PPIP5K2: variants seen among roughly 807,000 people sequenced by gnomAD.
The protein encoded by PPIP5K2 is inositol hexakisphosphate and diphosphoinositol-pentakisphosphate kinase 2.
A neutral mutation model predicts 154.6 loss-of-function variants in PPIP5K2; 105 were observed. That is an observed-to-expected ratio of 0.68 (90% CI 0.58 to 0.80). The LOEUF is 0.80. Among genes scored for constraint, PPIP5K2 ranks in the 30% least tolerant of loss-of-function variants. PPIP5K2 has a pLI of 0.00. For missense variants in PPIP5K2, 992 were observed against 1,504.6 expected (o/e 0.66, Z 5.64); for synonymous variants, 480 against 490.3 (o/e 0.98, Z 0.28).
chr5:103,212,549 G>A lies in PPIP5K2; in HGVS notation c.*10915G>A, dbSNP rs1554232650. 1.3e-5 allele frequency: 2 copies of A among 152,034 alleles called. No homozygotes were observed. The highest frequency in any genetic ancestry group is 1.5e-5 in the Non-Finnish European group (1 of 67,954). The allele number at this position is 152,034 out of a possible 1,614,324, so 9.4% of individuals were successfully genotyped here. ...CCTTTAATGGAAGGCTTTAATTTAG[G>A]GAACTTAAAGAATTTCATAATATTG... On this transcript the variant is annotated 3_prime_UTR_variant, in exon 31 of 31. Transcript: ENST00000358359.
At position 103,168,167 on chromosome 5, in the gene PPIP5K2, A is replaced by G; in HGVS notation, c.2158A>G (p.Ile720Val). The change falls in exon 19 of 31, where the codon ATT (isoleucine) becomes GTT (valine). Residue 720 changes from isoleucine (I) to valine (V), a missense_variant. Coordinates refer to ENST00000358359, the MANE Select transcript of PPIP5K2 (RefSeq NM_001276277.3). Reference sequence around the variant, plus strand: ...TAAAACAAAGAATGGAAGATATGATATTAGTAAAATCCCTGACATATATGA... The same window carrying G: ...TAAAACAAAGAATGGAAGATATGATGTTAGTAAAATCCCTGACATATATGA... ...DFKTKNGRYD[I>V]SKIPDIYDCI... The G allele has an allele frequency of 6.2e-7, 1 of 1,608,904 alleles. No individual in the cohort carries two copies. Among genetic ancestry groups the G allele is most frequent in the Non-Finnish European group, 8.5e-7 (1 of 1,176,040 alleles).
intron 1 of PPIP5K2, among the ~76,000 whole-genome samples, chr5:103,122,531 C>CT (rs1480251282): frequency 3.3e-5 from 5 of 152,174 alleles, no homozygotes; most frequent in African/African-American, 9.6e-5. Flanking sequence ...TTGGAATAGG[C>CT]TTTTTTTGTG....
At chr5:103,174,294 T>G (rs1554220327) in intron 21 of PPIP5K2, 1 of 226,950 alleles carries the variant, frequency 4.4e-6, no homozygotes, top group African/African-American at 2.3e-5. Flanking sequence ...GGTTAGACAT[T>G]GTACCACTGA....
chr5:103,129,632 G>A lies in PPIP5K2; in HGVS notation c.43G>A (p.Glu15Lys), dbSNP rs1554201983. ...ATTCTTCGTTGGACCAGAAGATACA[G>A]AAATAAATCCTGGAAATTATCGACA... ...PRFFVGPEDT[E>K]INPGNYRHFF... Residue 15 changes from glutamate (E) to lysine (K), a missense_variant, in exon 2 of 31, where the codon GAA becomes AAA. Glu to Lys is a moderately conservative substitution (Grantham distance 56, BLOSUM62 1). Transcript: ENST00000358359. 2 of 1,609,586 alleles carry A rather than the reference G, an allele frequency of 1.2e-6. No homozygotes were observed. Among genetic ancestry groups the A allele is most frequent in the Admixed American group, 3.4e-5 (2 of 59,018 alleles).
chr5:103,162,900 C>A (rs1291813781), intron 17 of PPIP5K2, among the ~76,000 whole-genome samples: 9 of 151,906 alleles, frequency 5.9e-5, no homozygotes, highest in Admixed American at 5.9e-4. Context: ...TGTTATTTCC[C>A]CTGCAACTAT....
intron 5 of PPIP5K2, among the ~76,000 whole-genome samples, chr5:103,142,750 T>A (rs554915225): frequency 7.2e-6 from 1 of 139,798 alleles, no homozygotes; most frequent in Non-Finnish European, 1.5e-5. Flanking sequence ...CACTCCAGCC[T>A]GGGCGAGTGA....
At chr5:103,154,005 T>C in intron 11 of PPIP5K2, 71 bp downstream of exon 11, 1 of 1,168,094 alleles carries the variant, frequency 8.6e-7, no homozygotes, top group Non-Finnish European at 1.2e-6. Flanking sequence ...ATCAACTCTT[T>C]TGATTAATAC....
chr5:103,149,341 C>T, intron 8 of PPIP5K2, 28 bp downstream of exon 8: 1 of 1,550,880 alleles, frequency 6.4e-7, no homozygotes, highest in Non-Finnish European at 8.7e-7. Flanking sequence ...CCTATAGATC[C>T]TTATAAAGGT....
At chr5:103,183,154 G>A in intron 24 of PPIP5K2, 80 bp from the exon 25 acceptor site, 1 of 1,050,010 alleles carries the variant, frequency 9.5e-7, no homozygotes, top group Non-Finnish European at 1.2e-6. Context: ...TGGCTCTGTT[G>A]TATCTAACTT....
intron 21 of PPIP5K2, chr5:103,177,010 GA>G (rs1316357167): frequency 2.8e-5 from 23 of 816,874 alleles, no homozygotes; most frequent in African/African-American, 5.3e-5. Flanking sequence ...TTGCATACAT[GA>G]ACTATATGAT....
At chr5:103,140,482 AGGAGAGAGTGTGAT>A (rs1792374887) in intron 5 of PPIP5K2, among the ~76,000 whole-genome samples, 1 of 152,252 alleles carries the variant, frequency 6.6e-6, no homozygotes, top group South Asian at 2.1e-4. Flanking sequence ...CTTATAGGCT[AGGAGAGAGTGTGAT>A]GGCATTCAAA....
At chr5:103,144,410 A>G (rs562486188) in intron 5 of PPIP5K2, among the ~76,000 whole-genome samples, 1 of 152,316 alleles carries the variant, frequency 6.6e-6, no homozygotes, top group Admixed American at 6.5e-5. Flanking sequence ...CATTCTTCAC[A>G]GAAATAGAAA....
At chr5:103,139,289 G>A (rs540852501) in intron 5 of PPIP5K2, among the ~76,000 whole-genome samples, 12 of 152,208 alleles carry the variant, frequency 7.9e-5, no homozygotes, top group African/African-American at 2.6e-4. Flanking sequence ...AACTAGGGGG[G>A]AGGCAGAACA....
At position 103,132,502 on chromosome 5, in the gene PPIP5K2, C is replaced by T. The variant is rs1346974570; in HGVS notation, c.115-951C>T. 1.1e-4 allele frequency among the ~76,000 whole-genome samples: 16 copies of T among 151,888 alleles called. No individual in the cohort carries two copies. In the East Asian group the frequency reaches 2.1e-3, roughly 20 times the overall value. ...CGGAGGTTGCAGTGAGCTGAGATTG[C>T]GCCACTGCACTCCAGCCTGGGCGAC... On this transcript the variant is annotated intron_variant, in intron 2 of 30. Coordinates refer to ENST00000358359, the MANE Select transcript of PPIP5K2 (RefSeq NM_001276277.3).
chr5:103,210,981 T>A lies in PPIP5K2; in HGVS notation c.*9347T>A, dbSNP rs1224362229. On this transcript the variant is annotated 3_prime_UTR_variant, in exon 31 of 31. Transcript: ENST00000358359. ...AACTAGTATACATATTTAGAGGTGC[T>A]GTAGTCTTCTAGACTGTAAAGGCAG... 2.0e-5 allele frequency: 3 copies of A among 152,150 alleles called. No homozygotes were observed. The highest frequency in any genetic ancestry group is 4.4e-5 in the Non-Finnish European group (3 of 67,990). 9.4% of individuals were successfully genotyped at this position (152,150 alleles called of 1,614,324 possible).
At position 103,207,492 on chromosome 5, in the gene PPIP5K2, G is replaced by T. The variant is rs893186160; in HGVS notation, c.*5858G>T. ...ATGCTGTATACTACACTTGCATTAT[G>T]TTATTCACATTTGCTATAGTTCACT... On this transcript the variant is annotated 3_prime_UTR_variant, in exon 31 of 31. Transcript: ENST00000358359. 2 of 151,938 alleles carry T rather than the reference G, an allele frequency of 1.3e-5. No individual in the cohort carries two copies. The highest frequency in any genetic ancestry group is 4.8e-5 in the African/African-American group (2 of 41,374). The allele number at this position is 151,938 out of a possible 1,614,324, so 9.4% of individuals were successfully genotyped here.
At chr5:103,158,705 A>G (rs1422690615) in intron 16 of PPIP5K2, 132 bp downstream of exon 16, 2 of 663,398 alleles carry the variant, frequency 3.0e-6, no homozygotes, top group Non-Finnish European at 4.7e-6. Flanking sequence ...TCAGATCACT[A>G]GAGCCCAGGA....
At chr5:103,147,785 A>C in intron 6 of PPIP5K2, 146 bp from the exon 7 acceptor site, 1 of 577,612 alleles carries the variant, frequency 1.7e-6, no homozygotes. Flanking sequence ...GTATATAGTA[A>C]GTTTTGTTAA....
chr5:103,154,199 T>G (rs1354460841), intron 11 of PPIP5K2, among the ~76,000 whole-genome samples: 3 of 152,038 alleles, frequency 2.0e-5, no homozygotes, highest in Non-Finnish European at 4.4e-5. Flanking sequence ...TAATCTTTGC[T>G]TATCACTCTC....
Sources: allele counts gnomAD v4.1 joint callset (sites outside exome capture counted in the v4.1 genomes callset), GRCh38; gene constraint gnomAD v4.1.1; transcripts MANE v1.5; gene names NCBI Gene and HGNC (gene_info 2026-07-23, HGNC 2026-07-21).